Variants in PNPLA1 observed in about 807,000 individuals in gnomAD.
PNPLA1 encodes the protein omega-hydroxyceramide transacylase.
PNPLA1 carries 36 observed loss-of-function variants against 51.7 expected under a neutral mutation model. That is an observed-to-expected ratio of 0.70 (90% CI 0.53 to 0.92). The LOEUF is 0.92. PNPLA1 is among the 40% of genes least tolerant of loss of function. The probability of loss-of-function intolerance (pLI) is 0.00; values close to 1 mark genes in which losing one functional copy is unlikely to be tolerated. For synonymous variants in PNPLA1, 293 were observed against 280.1 expected (o/e 1.05, Z -0.46); for missense variants, 658 against 682.5 (o/e 0.96, Z 0.40).
intron 1 of PNPLA1, among the ~76,000 whole-genome samples, chr6:36,264,534 G>A (rs767171829): frequency 1.5e-4 from 23 of 152,136 alleles, no homozygotes; most frequent in Admixed American, 4.6e-4. Context: ...AAGGGAAAGA[G>A]TCCCTTCAAC....
At chr6:36,300,490 A>G (rs1452945357) in intron 5 of PNPLA1, among the ~76,000 whole-genome samples, 2 of 152,072 alleles carry the variant, frequency 1.3e-5, no homozygotes, top group South Asian at 2.1e-4. Flanking sequence ...CTTATTCTTG[A>G]TGACCTTGAC....
intron 1 of PNPLA1, among the ~76,000 whole-genome samples, chr6:36,286,553 G>T (rs1008528930): frequency 6.6e-6 from 1 of 151,410 alleles, no homozygotes; most frequent in Non-Finnish European, 1.5e-5. Context: ...GGGCAACAGA[G>T]GGAGACCCTG....
chr6:36,270,006 G>A (rs914416822), upstream of PNPLA1, among the ~76,000 whole-genome samples: 3 of 152,222 alleles, frequency 2.0e-5, no homozygotes, highest in Non-Finnish European at 4.4e-5. Context: ...TAACCATCAC[G>A]GAGGTTTTGC....
intron 1 of PNPLA1, among the ~76,000 whole-genome samples, chr6:36,282,233 G>GGAAGGAAGGAAGGAAGGAAGGAAA (rs1770338375): frequency 1.1e-4 from 15 of 138,042 alleles, no homozygotes; most frequent in Non-Finnish European, 1.7e-4. Flanking sequence ...AAGGAAGGAA[G>GGAAGGAAGGAAGGAAGGAAGGAAA]GAAAGAAAGA....
intron 1 of PNPLA1, among the ~76,000 whole-genome samples, chr6:36,275,239 C>A (rs115395512): frequency 0.027 from 4,052 of 152,108 alleles, 160 homozygotes; most frequent in African/African-American, 0.079. Flanking sequence ...CCACCACGCC[C>A]GGCTAATTTT....
At chr6:36,303,661 A>G (rs1771144094) in intron 6 of PNPLA1, among the ~76,000 whole-genome samples, 1 of 152,104 alleles carries the variant, frequency 6.6e-6, no homozygotes, top group Admixed American at 6.5e-5. Flanking sequence ...GTGAAACCCC[A>G]TCTCTACTAA....
chr6:36,254,866 A>G (rs553222553), intron 1 of PNPLA1, among the ~76,000 whole-genome samples: 1 of 152,124 alleles, frequency 6.6e-6, no homozygotes, highest in East Asian at 1.9e-4. Context: ...GCATTGAGAG[A>G]GGAGCAAGAT....
At position 36,294,180 on chromosome 6, in the gene PNPLA1, G is replaced by A; in HGVS notation, c.505-10G>A. ...GCCCCAAGTGGGCATTTCTCACTCT[G>A]CCCCCACAGAGGTACATCGATGGGG... On this transcript the variant is annotated splice_polypyrimidine_tract_variant and intron_variant, in intron 3 of 8. Transcript: ENST00000636260. The surrounding 1 kb of genome is among the most constrained non-coding windows in gnomAD (Gnocchi z 4.2). 6.2e-7 allele frequency: 1 copy of A among 1,613,712 alleles called. No homozygotes were observed. The highest frequency in any genetic ancestry group is 1.3e-5 in the African/African-American group (1 of 75,032).
chr6:36,248,013 G>A (rs1358934677), intron 1 of PNPLA1, among the ~76,000 whole-genome samples: 2 of 152,092 alleles, frequency 1.3e-5, no homozygotes, highest in African/African-American at 2.4e-5. Context: ...GGTAGAGCCC[G>A]AACTGGAACC....
chr6:36,257,426 C>T (rs1418413013), intron 1 of PNPLA1, among the ~76,000 whole-genome samples: 1 of 152,190 alleles, frequency 6.6e-6, no homozygotes, highest in Non-Finnish European at 1.5e-5. Flanking sequence ...CTTGCTCTGC[C>T]ATAGATGGCA....
Position 36,295,236 on chromosome 6 carries a change from T to C in PNPLA1, c.715-128T>C, listed in dbSNP as rs922417382. ...AGACAGTGAGGGATGGGACACTGGA[T>C]GGGTACGTTTTGAAAAGCCCATCAA... On this transcript the variant is annotated intron_variant, in intron 4 of 8. Transcript: ENST00000636260. The C allele has an allele frequency of 3.4e-6, 3 of 886,208 alleles. No individual in the cohort carries two copies. In the African/African-American group the frequency reaches 4.9e-5, roughly 15 times the overall value. The allele number at this position is 886,208 out of a possible 1,614,324, so 54.9% of individuals were successfully genotyped here.
chr6:36,254,591 A>AC (rs1769490584), intron 1 of PNPLA1, among the ~76,000 whole-genome samples: 1 of 152,080 alleles, frequency 6.6e-6, no homozygotes, highest in African/African-American at 2.4e-5. Context: ...ACAAAAAAAA[A>AC]AACAAAAAAC....
intron 1 of PNPLA1, among the ~76,000 whole-genome samples, chr6:36,244,410 T>G (rs909959988): frequency 7.3e-5 from 11 of 150,088 alleles, no homozygotes; most frequent in Admixed American, 3.3e-4. Context: ...AGGGTTTTGT[T>G]TTTTTTTTTA....
intron 5 of PNPLA1, 104 bp downstream of exon 5, chr6:36,295,528 C>A: frequency 8.0e-7 from 1 of 1,247,996 alleles, no homozygotes. Context: ...ATTTGTGACC[C>A]GGAGACGCCC....
intron 1 of PNPLA1, among the ~76,000 whole-genome samples, chr6:36,280,128 C>G (rs772164786): frequency 6.6e-6 from 1 of 152,184 alleles, no homozygotes; most frequent in Non-Finnish European, 1.5e-5. Flanking sequence ...ATTGTGTGAA[C>G]CCGGGAGGCG....
intron 8 of PNPLA1, among the ~76,000 whole-genome samples, chr6:36,310,751 C>A (rs1214719077): frequency 2.0e-5 from 3 of 152,160 alleles, no homozygotes; most frequent in African/African-American, 7.2e-5. Context: ...GGTGGGAGCA[C>A]TGGGGTGGGA....
At chr6:36,298,204 C>T (rs777027321) in intron 5 of PNPLA1, among the ~76,000 whole-genome samples, 8 of 152,194 alleles carry the variant, frequency 5.3e-5, no homozygotes, top group South Asian at 4.1e-4. Context: ...GAATATACCA[C>T]TGTATGCATA....
Position 36,293,000 on chromosome 6 carries a change from G to C in PNPLA1, c.439-61G>C. The C allele has an allele frequency of 2.7e-6, 4 of 1,469,934 alleles. No homozygotes were observed. The South Asian group carries it at 3.7e-5, about 14-fold the overall frequency. 91.1% of individuals were successfully genotyped at this position (1,469,934 alleles called of 1,614,324 possible). A position where few individuals can be genotyped will look rare whatever the true frequency, so the allele number is the denominator to read the frequency against. ...TGGTGGGTGGCCCAGGGGCTGACAG[G>C]TGAGCTGTCCCCACCCCACCCCCGG... On this transcript the variant is annotated intron_variant, in intron 2 of 8. Transcript: ENST00000636260.
intron 1 of PNPLA1, among the ~76,000 whole-genome samples, chr6:36,251,931 C>A (rs908744628): frequency 6.6e-5 from 10 of 152,114 alleles, no homozygotes; most frequent in African/African-American, 2.2e-4. Context: ...GATGACAGAG[C>A]AAGACCCTGT....
Sources: allele counts gnomAD v4.1 joint callset (sites outside exome capture counted in the v4.1 genomes callset), GRCh38; gene constraint gnomAD v4.1.1; non-coding constraint Gnocchi (gnomAD v3.1); transcripts MANE v1.5; gene names NCBI Gene and HGNC (gene_info 2026-07-23, HGNC 2026-07-21).